Variants in PAICS observed in about 807,000 individuals in gnomAD.
PAICS encodes the protein phosphoribosylaminoimidazole carboxylase and phosphoribosylaminoimidazolesuccinocarboxamide synthase, also known as bifunctional phosphoribosylaminoimidazole carboxylase/phosphoribosylaminoimidazole succinocarboxamide synthetase.
A neutral mutation model predicts 53.7 loss-of-function variants in PAICS; 33 were observed. The ratio of observed to expected loss-of-function variants is 0.61; its 90% CI spans 0.47 to 0.82. The LOEUF is 0.82. PAICS is among the 40% of genes least tolerant of loss of function. The pLI, the probability that PAICS is intolerant of heterozygous loss-of-function variation, is 0.00. For missense variants in PAICS, 394 were observed against 494.1 expected, an observed-to-expected ratio of 0.80 and a Z score of 1.92; for synonymous variants, 141 against 167.2, an observed-to-expected ratio of 0.84 and a Z score of 1.21.
At chr4:56,419,882 C>G in the PAICS span, 1 of 984,362 alleles carries the variant, frequency 1.0e-6, no homozygotes, top group Non-Finnish European at 1.2e-6. Context: ...AATACAAGAT[C>G]GTAAGAACAG....
chr4:56,441,692 G>T lies in PAICS; in HGVS notation c.46G>T (p.Gly16Cys). The change falls in exon 2 of 9, where the codon GGT becomes TGT. Residue 16 changes from glycine to cysteine, a missense_variant. Around this residue, in one of 3 missense-constraint regions of PAICS, gnomAD observed 168 missense variants for 199.3 expected, o/e 0.84. Coordinates refer to ENST00000512576, the MANE Select transcript of PAICS (RefSeq NM_001079524.2). The stretch of plus-strand genomic sequence containing the variant: ...GAACATTGGTAAAAAATTATATGAG[G>T]GTAAAACAAAAGAAGTCTACGAATT... ...VLNIGKKLYEGKTKEVYELLD... is the reference protein window; with the variant it reads ...VLNIGKKLYECKTKEVYELLD... The T allele has an allele frequency of 6.3e-7, 1 of 1,590,546 alleles. No individual in the cohort carries two copies. Among genetic ancestry groups the T allele is most frequent in the Non-Finnish European group, 8.5e-7 (1 of 1,169,760 alleles).
At chr4:56,449,932 G>A (rs1718816030) in intron 5 of PAICS, among the ~76,000 whole-genome samples, 1 of 150,674 alleles carries the variant, frequency 6.6e-6, no homozygotes, top group Non-Finnish European at 1.5e-5. Context: ...CCGAGATTGT[G>A]CCACTGCACT....
At chr4:56,432,433 C>A (rs1717635753), upstream of PAICS, among the ~76,000 whole-genome samples, 1 of 147,786 alleles carries the variant, frequency 6.8e-6, no homozygotes, top group Non-Finnish European at 1.5e-5. Context: ...GAGACAGGTA[C>A]GAGAATCACT....
upstream of PAICS, among the ~76,000 whole-genome samples, chr4:56,431,031 C>A (rs566322175): frequency 6.6e-6 from 1 of 151,998 alleles, no homozygotes; most frequent in South Asian, 2.1e-4. Flanking sequence ...ATTGAAAACA[C>A]TTATTTTAAA....
At position 56,456,178 on chromosome 4, in the gene PAICS, G is replaced by A. The variant is rs149513586; in HGVS notation, c.1111+2417G>A. ...GCAATCTCAGCTTACTGCAGCCTCC[G>A]CCTCCCAGGTTCAAGCGGTTCTCGT... On this transcript the variant is annotated intron_variant, in intron 8 of 8. Coordinates refer to ENST00000512576, the MANE Select transcript of PAICS (RefSeq NM_001079524.2). Among the ~76,000 whole-genome samples, 9 of 152,148 alleles carry A rather than the reference G, an allele frequency of 5.9e-5. No homozygotes were observed. In the East Asian group the frequency reaches 9.7e-4, roughly 16 times the overall value.
intron 5 of PAICS, 40 bp from the exon 6 acceptor site, chr4:56,450,579 A>C: frequency 8.5e-6 from 9 of 1,064,450 alleles, no homozygotes; most frequent in African/African-American, 1.6e-5. Context: ...TCAGGTAGCA[A>C]GAGATACTTG....
At chr4:56,457,466 C>G (rs1056850896) in intron 8 of PAICS, among the ~76,000 whole-genome samples, 5 of 152,044 alleles carry the variant, frequency 3.3e-5, no homozygotes, top group Non-Finnish European at 7.4e-5. Context: ...GAGGCAGTTA[C>G]TCAGGTAGAT....
chr4:56,463,964 GAACAAA>G lies in PAICS; in HGVS notation c.*4429_*4434del, dbSNP rs968891380. On this transcript the variant is annotated 3_prime_UTR_variant, in exon 9 of 9. Transcript: ENST00000512576. ...ATCTAATCCATTGAGGGCCTGAATA[GAACAAA>G]AAAGGGGAAGAAGGGTGAACTGCTG... The G allele has an allele frequency of 6.6e-6, 1 of 150,392 alleles. No homozygotes were observed. The highest frequency in any genetic ancestry group is 2.5e-5 in the African/African-American group (1 of 39,790). The allele number at this position is 150,392 out of a possible 1,614,324, so 9.3% of individuals were successfully genotyped here.
chr4:56,454,998 A>T (rs1203961284), intron 8 of PAICS, among the ~76,000 whole-genome samples: 1 of 152,114 alleles, frequency 6.6e-6, no homozygotes, highest in Non-Finnish European at 1.5e-5. Context: ...TCTCTACTAA[A>T]AATACAAAAA....
intron 6 of PAICS, among the ~76,000 whole-genome samples, chr4:56,451,425 G>C (rs968801495): frequency 2.0e-5 from 3 of 152,054 alleles, no homozygotes; most frequent in Non-Finnish European, 4.4e-5. Context: ...TTATGCAAGG[G>C]TCATAATCAC....
the PAICS span, among the ~76,000 whole-genome samples, chr4:56,415,017 T>C: frequency 6.6e-6 from 1 of 152,238 alleles, no homozygotes; most frequent in African/African-American, 2.4e-5. Context: ...TTCATTTGTT[T>C]TCCTATTTTA....
chr4:56,457,838 T>C (rs1052748007), intron 8 of PAICS, among the ~76,000 whole-genome samples: 1 of 152,080 alleles, frequency 6.6e-6, no homozygotes, highest in Non-Finnish European at 1.5e-5. Context: ...TTTCTTGGTC[T>C]GCTAACTTAG....
the PAICS span, among the ~76,000 whole-genome samples, chr4:56,428,351 C>T: frequency 6.6e-6 from 1 of 151,878 alleles, no homozygotes; most frequent in Non-Finnish European, 1.5e-5. Flanking sequence ...TTGATATGGT[C>T]TGATGAAAAA....
chr4:56,412,040 A>G, the PAICS span, among the ~76,000 whole-genome samples: 1 of 152,212 alleles, frequency 6.6e-6, no homozygotes, highest in Non-Finnish European at 1.5e-5. Context: ...ACTCTTCATT[A>G]TTTAAGTGCT....
intron 1 of PAICS, 126 bp downstream of exon 1, chr4:56,436,454 G>A (rs1717968278): frequency 4.8e-6 from 4 of 831,242 alleles, no homozygotes; most frequent in Non-Finnish European, 4.1e-6. Flanking sequence ...AGCCGCGCGG[G>A]CGCACACGTG....
chr4:56,419,566 G>A, the PAICS span: 1 of 544,056 alleles, frequency 1.8e-6, no homozygotes, highest in Non-Finnish European at 2.3e-6. Flanking sequence ...TATTTACCTT[G>A]TCTGATGTAT....
the PAICS span, among the ~76,000 whole-genome samples, chr4:56,424,757 C>T: frequency 6.6e-6 from 1 of 152,354 alleles, no homozygotes; most frequent in East Asian, 1.9e-4. Flanking sequence ...ACCTACCTGT[C>T]TCTTCTGAGT....
At position 56,448,401 on chromosome 4, in the gene PAICS, C is replaced by T; in HGVS notation, c.394-17C>T. 5 of 1,534,880 alleles carry T rather than the reference C, an allele frequency of 3.3e-6. No individual in the cohort carries two copies. The highest frequency in any genetic ancestry group is 2.3e-5 in the East Asian group (1 of 43,980). ...TTTTAGATTGAAGTTAATTGTACTACTATACTTTATTCACAGGATGATGCC... is the reference window on the plus strand; with the variant it reads ...TTTTAGATTGAAGTTAATTGTACTATTATACTTTATTCACAGGATGATGCC... On this transcript the variant is annotated splice_polypyrimidine_tract_variant and intron_variant, in intron 3 of 8. Coordinates refer to ENST00000512576, the MANE Select transcript of PAICS (RefSeq NM_001079524.2).
upstream of PAICS, chr4:56,435,515 G>A (rs6843073): frequency 0.046 from 74,038 of 1,612,258 alleles, 2,278 homozygotes; most frequent in Admixed American, 0.13. Flanking sequence ...CTGCCGCTGC[G>A]GCCAAGGTGT....
Sources: gnomAD v4.1 joint callset for allele counts (sites outside exome capture counted in the v4.1 genomes callset) on GRCh38, gnomAD v4.1.1 for gene constraint, gnomAD v4.1.1 regional missense constraint, MANE v1.5 for transcripts, NCBI Gene and HGNC (gene_info 2026-07-23, HGNC 2026-07-21) for gene names.